The following XKR4 variants were observed in gnomAD, a reference collection of about 807,000 sequenced individuals.
XKR4 encodes XK related 4.
XKR4 carries 12 observed loss-of-function variants against 53.9 expected under a neutral mutation model. The ratio of observed to expected loss-of-function variants is 0.22; its 90% CI spans 0.14 to 0.36. The LOEUF (loss-of-function observed/expected upper bound fraction) is 0.36. Among genes scored for constraint, XKR4 ranks in the 10% least tolerant of loss-of-function variants. The pLI is 1.00. For missense variants in XKR4, 799 were observed against 859.5 expected (o/e 0.93, Z 0.88); for synonymous variants, 354 against 362.4 (o/e 0.98, Z 0.26).
rs750313019 is a variant in XKR4, at chr8:55,102,448, G to C, written c.-41G>C. ...CGGGAGGAGGAGACAGCGGGGAAAG[G>C]TGTCAGATAAAGGAGGGCTCTCCTC... On this transcript the variant is annotated 5_prime_UTR_variant, in exon 1 of 3. Transcript: ENST00000327381. This position sits in a 1 kb window ranked among gnomAD's most constrained non-coding sequence, Gnocchi z 5.1. The C allele has an allele frequency of 2.6e-6, 4 of 1,527,166 alleles. No homozygotes were observed. The highest frequency in any genetic ancestry group is 1.9e-5 in the Admixed American group (1 of 53,236). The allele number at this position is 1,527,166 out of a possible 1,614,324, so 94.6% of individuals were successfully genotyped here.
chr8:55,414,347 CA>C (rs1804815086), intron 2 of XKR4, among the ~76,000 whole-genome samples: 1 of 151,964 alleles, frequency 6.6e-6, no homozygotes, highest in Non-Finnish European at 1.5e-5. Context: ...TACAGGAATT[CA>C]AAAAGTAATA....
At chr8:55,511,426 C>T (rs1029250125) in intron 2 of XKR4, among the ~76,000 whole-genome samples, 8 of 152,136 alleles carry the variant, frequency 5.3e-5, no homozygotes, top group African/African-American at 1.9e-4. Flanking sequence ...ACAGGCATTC[C>T]CTCTACCTTC....
At chr8:55,520,615 A>G (rs1376432598) in intron 2 of XKR4, among the ~76,000 whole-genome samples, 1 of 152,272 alleles carries the variant, frequency 6.6e-6, no homozygotes, top group Non-Finnish European at 1.5e-5. Flanking sequence ...AAGGAAGAAG[A>G]GAAATTCTCA....
At position 55,255,908 on chromosome 8, in the gene XKR4, G is replaced by A. The variant is rs1818433244; in HGVS notation, c.807-101770G>A. On this transcript the variant is annotated intron_variant, in intron 1 of 2. Transcript: ENST00000327381. Reference sequence around the variant, plus strand: ...AAAGGGTATGTTTCCTGCCCATAATGAGCTTACAGAAGAATAGTACAAGAG... The same window carrying A: ...AAAGGGTATGTTTCCTGCCCATAATAAGCTTACAGAAGAATAGTACAAGAG... Among the ~76,000 whole-genome samples the A allele has an allele frequency of 2.6e-5, 4 of 151,828 alleles. No individual in the cohort carries two copies. In the South Asian group the frequency reaches 8.4e-4, roughly 32 times the overall value.
At chr8:55,385,537 A>C (rs1804296232) in intron 2 of XKR4, among the ~76,000 whole-genome samples, 1 of 152,234 alleles carries the variant, frequency 6.6e-6, no homozygotes, top group South Asian at 2.1e-4. Context: ...CAGAGTACCT[A>C]GCCCATAAGT....
At chr8:55,420,551 C>T (rs919005048) in intron 2 of XKR4, among the ~76,000 whole-genome samples, 10 of 146,026 alleles carry the variant, frequency 6.8e-5, no homozygotes, top group East Asian at 4.0e-4. Context: ...AACCAAACAC[C>T]GCATATTCTC....
At chr8:55,451,114 G>T (rs907580856) in intron 2 of XKR4, 2 of 522,660 alleles carry the variant, frequency 3.8e-6, no homozygotes, top group Non-Finnish European at 6.9e-6. Flanking sequence ...TTGTCCCCGA[G>T]GATGTAGAGG....
chr8:55,401,123 G>A (rs953576752), intron 2 of XKR4, among the ~76,000 whole-genome samples: 5 of 152,168 alleles, frequency 3.3e-5, no homozygotes, highest in South Asian at 2.1e-4. Context: ...ACACGCAGGC[G>A]CCAGCATTTG....
chr8:55,394,772 T>A (rs1804491254), intron 2 of XKR4, among the ~76,000 whole-genome samples: 2 of 152,210 alleles, frequency 1.3e-5, no homozygotes, highest in African/African-American at 4.8e-5. Context: ...GATTTTTTCT[T>A]CAATTATCTG....
At chr8:55,264,834 C>T (rs1585975663) in intron 1 of XKR4, among the ~76,000 whole-genome samples, 1 of 152,196 alleles carries the variant, frequency 6.6e-6, no homozygotes, top group East Asian at 1.9e-4. Flanking sequence ...ATGTATATTC[C>T]TATATATAAC....
intron 1 of XKR4, among the ~76,000 whole-genome samples, chr8:55,165,669 G>GT (rs1817055293): frequency 6.6e-6 from 1 of 151,898 alleles, no homozygotes. Context: ...GCTGGGTGTG[G>GT]TGGCGGGTGC....
intron 1 of XKR4, among the ~76,000 whole-genome samples, chr8:55,341,996 C>G (rs541902533): frequency 1.1e-4 from 17 of 152,176 alleles, no homozygotes; most frequent in African/African-American, 4.1e-4. Flanking sequence ...TAGACTGGAC[C>G]TGAATTCCAA....
chr8:55,315,235 G>T (rs933271204), intron 1 of XKR4, among the ~76,000 whole-genome samples: 1 of 152,138 alleles, frequency 6.6e-6, no homozygotes, highest in Non-Finnish European at 1.5e-5. Flanking sequence ...GCACTATTCT[G>T]AGCTGCAAGG....
In XKR4 at chr8:55,141,584, C is replaced by T. The variant is rs553465022; in HGVS notation, c.806+38290C>T. 1.1e-4 allele frequency among the ~76,000 whole-genome samples: 17 copies of T among 151,704 alleles called. No individual in the cohort carries two copies. The South Asian group carries it at 1.7e-3, about 15-fold the overall frequency. On this transcript the variant is annotated intron_variant, in intron 1 of 2. Transcript: ENST00000327381. ...GGACTTGGCAGTGGGGGTTGATTCT[C>T]GTCACCCTCTGCATCCGAGTGGGCC... is the stretch of plus-strand genomic sequence containing the variant.
chr8:55,139,325 G>A (rs1464594544), intron 1 of XKR4, among the ~76,000 whole-genome samples: 3 of 152,078 alleles, frequency 2.0e-5, no homozygotes, highest in Non-Finnish European at 4.4e-5. Flanking sequence ...CATGAGGTCA[G>A]GAGTTCAAGA....
intron 2 of XKR4, chr8:55,450,431 G>A (rs1016332765): frequency 5.2e-6 from 3 of 573,820 alleles, no homozygotes; most frequent in East Asian, 3.5e-5. Context: ...TTGCTCATCC[G>A]GTCCACACAG....
intron 1 of XKR4, among the ~76,000 whole-genome samples, chr8:55,282,080 C>G (rs886126011): frequency 6.6e-6 from 1 of 152,102 alleles, no homozygotes; most frequent in African/African-American, 2.4e-5. Context: ...AGATTCTGGT[C>G]CAAAACTCAC....
intron 1 of XKR4, among the ~76,000 whole-genome samples, chr8:55,173,227 A>G (rs1315959123): frequency 6.6e-6 from 1 of 151,934 alleles, no homozygotes; most frequent in East Asian, 1.9e-4. Context: ...TTGTGCTGAC[A>G]ATTGGATGGG....
intron 2 of XKR4, among the ~76,000 whole-genome samples, chr8:55,390,549 C>T (rs906841512): frequency 6.6e-6 from 1 of 152,236 alleles, no homozygotes; most frequent in Non-Finnish European, 1.5e-5. Context: ...CTTTCTCCCT[C>T]CATTAGAAGC....
Sources: gnomAD v4.1 joint callset for allele counts (sites outside exome capture counted in the v4.1 genomes callset) on GRCh38, gnomAD v4.1.1 for gene constraint, Gnocchi (gnomAD v3.1) non-coding constraint, MANE v1.5 for transcripts, NCBI Gene and HGNC (gene_info 2026-07-23, HGNC 2026-07-21) for gene names.